Variants in CNTRL observed in about 807,000 individuals in gnomAD.
The protein encoded by CNTRL is centriolin.
In CNTRL, 233 loss-of-function variants were observed where a neutral mutation model predicts 303.7. The ratio of observed to expected loss-of-function variants is 0.77; its 90% confidence interval spans 0.69 to 0.86. The LOEUF (loss-of-function observed/expected upper bound fraction) is 0.86. Ranked by LOEUF, CNTRL falls within the 40% of genes least tolerant of loss-of-function variation. The pLI is 0.00. For missense variants in CNTRL, 2,524 were observed against 2,650.6 expected (o/e 0.95, Z 1.05); for synonymous variants, 900 against 922.2 (o/e 0.98, Z 0.44).
At chr9:121,098,020 G>T (rs2048966998) in intron 6 of CNTRL, among the ~76,000 whole-genome samples, 1 of 152,096 alleles carries the variant, frequency 6.6e-6, no homozygotes, top group Non-Finnish European at 1.5e-5. Context: ...ATAATGAAAA[G>T]ACAAAGTTGA....
chr9:121,137,635 G>A lies in CNTRL; in HGVS notation c.2203-910G>A, dbSNP rs372669190. Among the ~76,000 whole-genome samples, 6 of 152,178 alleles carry A rather than the reference G, an allele frequency of 3.9e-5. No individual in the cohort carries two copies. The East Asian group carries it at 1.2e-3, about 29-fold the overall frequency. ...GACAGTTGTCAGGATTGTATTTCTC[G>A]AGTACCGAGTTTTGTAGAAGTATAG... On this transcript the variant is annotated intron_variant, in intron 15 of 43. Coordinates refer to ENST00000373855, the MANE Select transcript of CNTRL (RefSeq NM_007018.6).
At chr9:121,129,637 T>C in intron 14 of CNTRL, among the ~76,000 whole-genome samples, 1 of 152,138 alleles carries the variant, frequency 6.6e-6, no homozygotes, top group Non-Finnish European at 1.5e-5. Context: ...TCTTTCTCTT[T>C]TCTGATTGCC....
chr9:121,094,759 C>T (rs1205448054), intron 4 of CNTRL, 129 bp from the exon 5 acceptor site: 1 of 609,290 alleles, frequency 1.6e-6, no homozygotes, highest in South Asian at 2.4e-5. Flanking sequence ...AGGGATTCTC[C>T]AGGAGAGCAG....
intron 9 of CNTRL, 126 bp downstream of exon 9, chr9:121,112,704 G>C: frequency 4.0e-6 from 4 of 992,418 alleles, no homozygotes; most frequent in Non-Finnish European, 5.9e-6. Context: ...GTTATGAGAG[G>C]ATTAAACTGT....
At chr9:121,134,102 T>C (rs2051037070) in intron 14 of CNTRL, among the ~76,000 whole-genome samples, 1 of 152,148 alleles carries the variant, frequency 6.6e-6, no homozygotes, top group Non-Finnish European at 1.5e-5. Flanking sequence ...CAATAAATAT[T>C]TTGATTTATT....
chr9:121,095,162 GTC>G (rs1352659259), intron 5 of CNTRL, 144 bp downstream of exon 5: 10 of 638,232 alleles, frequency 1.6e-5, no homozygotes, highest in Non-Finnish European at 2.5e-5. Flanking sequence ...ATGAATGTCT[GTC>G]TCTTCACATA....
intron 13 of CNTRL, among the ~76,000 whole-genome samples, chr9:121,124,764 C>T (rs544214703): frequency 4.2e-4 from 59 of 140,870 alleles, no homozygotes; most frequent in African/African-American, 1.1e-3. Context: ...ATGGCGAAAC[C>T]CCGTCTCTAC....
At chr9:121,101,826 A>G (rs2049185494) in intron 7 of CNTRL, among the ~76,000 whole-genome samples, 1 of 152,212 alleles carries the variant, frequency 6.6e-6, no homozygotes, top group South Asian at 2.1e-4. Context: ...TCCTGGACAC[A>G]TACACCCTCC....
Position 121,142,196 on chromosome 9 carries a change from A to G in CNTRL, c.2797A>G (p.Thr933Ala). 1 of 1,612,922 alleles carries G rather than the reference A, an allele frequency of 6.2e-7. No individual in the cohort carries two copies. The highest frequency in any genetic ancestry group is 8.5e-7 in the Non-Finnish European group (1 of 1,179,578). The change falls in exon 19 of 44, where the codon ACA becomes GCA. Residue 933 changes from threonine to alanine, a missense_variant. By Grantham distance (58) the Thr-to-Ala change is moderately conservative. Transcript: ENST00000373855. ...LKSMEEIQGLTDLQLQEADEE... is the reference protein window; with the variant it reads ...LKSMEEIQGLADLQLQEADEE... The stretch of plus-strand genomic sequence containing the variant: ...AAGTATGGAGGAAATCCAAGGCCTT[A>G]CAGATCTCCAACTTCAGGAAGCTGA...
chr9:121,108,944 T>C (rs955548362), intron 8 of CNTRL, among the ~76,000 whole-genome samples: 4 of 152,194 alleles, frequency 2.6e-5, no homozygotes, highest in Non-Finnish European at 5.9e-5. Context: ...TACATGTAAT[T>C]ACATAATGTA....
intron 8 of CNTRL, 123 bp downstream of exon 8, chr9:121,108,118 G>A: frequency 1.6e-6 from 1 of 610,188 alleles, no homozygotes; most frequent in Non-Finnish European, 2.8e-6. Context: ...ACAGAAATAT[G>A]TGGAAAGGCT....
intron 3 of CNTRL, among the ~76,000 whole-genome samples, chr9:121,090,050 C>T (rs1360653893): frequency 2.3e-5 from 3 of 129,704 alleles, no homozygotes; most frequent in Admixed American, 2.1e-4. Context: ...ATAGTTATTA[C>T]ATTATAATAC....
At chr9:121,083,537 G>A (rs575201354) in intron 2 of CNTRL, among the ~76,000 whole-genome samples, 10 of 152,250 alleles carry the variant, frequency 6.6e-5, no homozygotes, top group African/African-American at 1.2e-4. Context: ...CATTTCTTAT[G>A]ATAACAGTGT....
At chr9:121,087,365 C>G (rs1198154340) in intron 2 of CNTRL, among the ~76,000 whole-genome samples, 1 of 152,078 alleles carries the variant, frequency 6.6e-6, no homozygotes, top group Non-Finnish European at 1.5e-5. Context: ...AAATAGGAGT[C>G]TGGAGCTCAG....
chr9:121,093,898 C>G (rs1417678108), intron 4 of CNTRL, among the ~76,000 whole-genome samples: 3 of 152,092 alleles, frequency 2.0e-5, no homozygotes, highest in Non-Finnish European at 4.4e-5. Flanking sequence ...CTTGATTTAA[C>G]TTGAAAAAGA....
intron 42 of CNTRL, among the ~76,000 whole-genome samples, chr9:121,174,018 G>A (rs2053422232): frequency 6.6e-6 from 1 of 152,204 alleles, no homozygotes; most frequent in Non-Finnish European, 1.5e-5. Context: ...ATTTGGGAGA[G>A]GAAGTAGAAA....
At chr9:121,150,830 TAATAA>T (rs1453431265) in intron 25 of CNTRL, among the ~76,000 whole-genome samples, 43 of 152,378 alleles carry the variant, frequency 2.8e-4, no homozygotes, top group Non-Finnish European at 5.0e-4. Context: ...GTTAGCCATT[TAATAA>T]CAAATGTTTT....
intron 2 of CNTRL, among the ~76,000 whole-genome samples, chr9:121,083,898 C>T (rs898030774): frequency 3.9e-5 from 6 of 152,090 alleles, no homozygotes; most frequent in African/African-American, 1.2e-4. Context: ...GTATGTGGTC[C>T]GTTGTTGACC....
At chr9:121,168,429 G>C in intron 38 of CNTRL, 108 bp downstream of exon 38, 1 of 882,430 alleles carries the variant, frequency 1.1e-6, no homozygotes, top group Non-Finnish European at 1.8e-6. Context: ...GCCCAGGAGA[G>C]GAGGCAGGAG....
Sources: allele counts gnomAD v4.1 joint callset (sites outside exome capture counted in the v4.1 genomes callset), GRCh38; gene constraint gnomAD v4.1.1; transcripts MANE v1.5; gene names NCBI Gene and HGNC (gene_info 2026-07-23, HGNC 2026-07-21).